Variants in RFX3 observed in about 807,000 individuals in gnomAD.
RFX3 encodes regulatory factor X3, also known as transcription factor RFX3.
A neutral mutation model predicts 98.6 loss-of-function variants in RFX3; 14 were observed. The observed-to-expected ratio is 0.14, with a 90% CI of 0.09 to 0.22. The LOEUF (loss-of-function observed/expected upper bound fraction) is 0.22. Among genes scored for constraint, RFX3 ranks in the 10% least tolerant of loss-of-function variants. RFX3 has a pLI of 1.00. For synonymous variants in RFX3, 383 were observed against 328.4 expected, an observed-to-expected ratio of 1.17 and a Z score of -1.80; for missense variants, 639 against 926.9, an observed-to-expected ratio of 0.69 and a Z score of 4.03.
intron 1 of RFX3, among the ~76,000 whole-genome samples, chr9:3,478,986 C>G (rs983021180): frequency 6.6e-6 from 1 of 152,136 alleles, no homozygotes; most frequent in African/African-American, 2.4e-5. Flanking sequence ...TCCCAGGGAG[C>G]TGCAAGTTGG....
At chr9:3,310,234 A>G (rs950277163) in intron 4 of RFX3, among the ~76,000 whole-genome samples, 1 of 152,304 alleles carries the variant, frequency 6.6e-6, no homozygotes, top group Admixed American at 6.5e-5. Context: ...GAACCAAAAG[A>G]GGCTCCCCTG....
chr9:3,498,065 T>C (rs1851239168), intron 1 of RFX3, among the ~76,000 whole-genome samples: 1 of 152,016 alleles, frequency 6.6e-6, no homozygotes, highest in Non-Finnish European at 1.5e-5. Flanking sequence ...AGCAGCTATA[T>C]GAGGATCTGA....
At chr9:3,300,619 G>C (rs1341006879) in intron 5 of RFX3, among the ~76,000 whole-genome samples, 1 of 151,798 alleles carries the variant, frequency 6.6e-6, no homozygotes, top group Non-Finnish European at 1.5e-5. Flanking sequence ...GAAATAAGAA[G>C]TCATAATACT....
At chr9:3,386,755 A>G (rs1320044485) in intron 2 of RFX3, among the ~76,000 whole-genome samples, 2 of 152,206 alleles carry the variant, frequency 1.3e-5, no homozygotes, top group African/African-American at 4.8e-5. Flanking sequence ...GATGGGGAGA[A>G]TCCAAATTTC....
chr9:3,325,362 G>A (rs1036504584), intron 4 of RFX3, among the ~76,000 whole-genome samples: 8 of 151,854 alleles, frequency 5.3e-5, no homozygotes, highest in Admixed American at 5.2e-4. Flanking sequence ...TTATATAGCA[G>A]CAGATGGACT....
chr9:3,394,539 G>C (rs914584850), intron 2 of RFX3, among the ~76,000 whole-genome samples: 1 of 152,136 alleles, frequency 6.6e-6, no homozygotes, highest in Non-Finnish European at 1.5e-5. Flanking sequence ...ACTTCTGTAC[G>C]ATTGCAGCAC....
chr9:3,379,413 T>G (rs866972999), intron 2 of RFX3, among the ~76,000 whole-genome samples: 12 of 151,992 alleles, frequency 7.9e-5, no homozygotes, highest in African/African-American at 2.7e-4. Context: ...TACAATGAAG[T>G]TGGGTTTTTT....
intron 2 of RFX3, among the ~76,000 whole-genome samples, chr9:3,370,172 A>G (rs1837677662): frequency 6.9e-6 from 1 of 145,264 alleles, no homozygotes; most frequent in Admixed American, 6.8e-5. Context: ...GCTGGTTAGG[A>G]TGTTTCAAAT....
chr9:3,422,382 TAA>T (rs1398211324), intron 1 of RFX3, among the ~76,000 whole-genome samples: 1 of 152,200 alleles, frequency 6.6e-6, no homozygotes, highest in Non-Finnish European at 1.5e-5. Flanking sequence ...GTGTGTATTT[TAA>T]AAGAGAAGAG....
At chr9:3,376,737 A>G (rs997635320) in intron 2 of RFX3, among the ~76,000 whole-genome samples, 3 of 152,326 alleles carry the variant, frequency 2.0e-5, no homozygotes, top group African/African-American at 7.2e-5. Flanking sequence ...GAACTCAAAC[A>G]AATTTACAAG....
intron 5 of RFX3, among the ~76,000 whole-genome samples, chr9:3,298,879 G>A (rs1828316386): frequency 6.6e-6 from 1 of 151,672 alleles, no homozygotes; most frequent in Non-Finnish European, 1.5e-5. Flanking sequence ...AATAGAATGA[G>A]AATAGACTTT....
At chr9:3,506,845 T>A (rs913857001) in intron 1 of RFX3, among the ~76,000 whole-genome samples, 1 of 151,848 alleles carries the variant, frequency 6.6e-6, no homozygotes, top group East Asian at 1.9e-4. Context: ...AATTCATGAA[T>A]TCATGCCATT....
At chr9:3,395,407 A>G in intron 2 of RFX3, 65 bp downstream of exon 2, 8 of 1,562,118 alleles carry the variant, frequency 5.1e-6, no homozygotes, top group Non-Finnish European at 7.0e-6. Flanking sequence ...TTTTGGATAC[A>G]GGTATGTTGG....
chr9:3,432,123 T>C (rs1304792969), intron 1 of RFX3, among the ~76,000 whole-genome samples: 7 of 152,174 alleles, frequency 4.6e-5, no homozygotes, highest in African/African-American at 1.7e-4. Context: ...AGAACAGCTT[T>C]CTGGATTGGT....
intron 1 of RFX3, among the ~76,000 whole-genome samples, chr9:3,477,885 G>A (rs1587810625): frequency 6.6e-6 from 1 of 152,114 alleles, no homozygotes; most frequent in East Asian, 1.9e-4. Context: ...CTAACTTCGA[G>A]TTAAAAGATT....
rs368781803 is a variant in RFX3, at chr9:3,335,757, C to A, written c.216-5240G>T. ...GAACACATCGATATGTGTATACTTG[C>A]CGACAGAAGCTTCTTCATAGCTGAC... On this transcript the variant is annotated intron_variant, in intron 3 of 16. Coordinates refer to ENST00000617270, the MANE Select transcript of RFX3 (RefSeq NM_001282116.2). Among the ~76,000 whole-genome samples, 4 of 152,228 alleles carry A rather than the reference C, an allele frequency of 2.6e-5. No homozygotes were observed. In the East Asian group the frequency reaches 7.7e-4, roughly 29 times the overall value.
At chr9:3,378,204 T>C (rs1838760196) in intron 2 of RFX3, among the ~76,000 whole-genome samples, 3 of 152,188 alleles carry the variant, frequency 2.0e-5, no homozygotes, top group Non-Finnish European at 4.4e-5. Context: ...AGGTAATATC[T>C]TCAAATTGTT....
intron 2 of RFX3, among the ~76,000 whole-genome samples, chr9:3,392,451 A>G (rs936647921): frequency 6.6e-6 from 1 of 151,924 alleles, no homozygotes; most frequent in Non-Finnish European, 1.5e-5. Flanking sequence ...ATTAAAAAAA[A>G]AGTGATAGAA....
intron 6 of RFX3, among the ~76,000 whole-genome samples, chr9:3,290,160 G>A (rs1031591394): frequency 6.7e-6 from 1 of 149,334 alleles, no homozygotes; most frequent in Non-Finnish European, 1.5e-5. Flanking sequence ...TATTTTTCTA[G>A]GGTTTGCTTC....
Sources: gnomAD v4.1 joint callset for allele counts (sites outside exome capture counted in the v4.1 genomes callset) on GRCh38, gnomAD v4.1.1 for gene constraint, MANE v1.5 for transcripts, NCBI Gene and HGNC (gene_info 2026-07-23, HGNC 2026-07-21) for gene names.